AHRR: variants seen among roughly 807,000 people sequenced by gnomAD.
AHRR encodes aryl hydrocarbon receptor repressor, also known as ahR repressor.
In AHRR, 28 loss-of-function variants were observed where a neutral mutation model predicts 44.0. The observed-to-expected ratio is 0.64, with a 90% CI of 0.47 to 0.87. The LOEUF (loss-of-function observed/expected upper bound fraction) is 0.87. Ranked by LOEUF, AHRR falls within the 40% of genes least tolerant of loss-of-function variation. The pLI is 0.00. For synonymous variants in AHRR, 434 were observed against 407.0 expected, an observed-to-expected ratio of 1.07 and a Z score of -0.80; for missense variants, 990 against 953.9, an observed-to-expected ratio of 1.04 and a Z score of -0.50.
chr5:415,509 G>A (rs4956937), intron 5 of AHRR, among the ~76,000 whole-genome samples: 1 of 58,050 alleles, frequency 1.7e-5, no homozygotes, highest in Non-Finnish European at 4.8e-5. Context: ...CTCCCTGGTC[G>A]GGTGGGAGGC....
intron 1 of AHRR, among the ~76,000 whole-genome samples, chr5:323,793 G>A (rs1046368794): frequency 2.6e-5 from 4 of 152,122 alleles, no homozygotes; most frequent in Non-Finnish European, 5.9e-5. Flanking sequence ...ACACAGAAGC[G>A]GGAAAGCGCC....
chr5:374,109 C>T lies in AHRR; in HGVS notation c.245-2501C>T, dbSNP rs914564661. 3.9e-5 allele frequency among the ~76,000 whole-genome samples: 6 copies of T among 152,214 alleles called. 1 individual carries two copies. The highest frequency in any genetic ancestry group is 1.4e-4 in the African/African-American group (6 of 41,562). The stretch of plus-strand genomic sequence containing the variant: ...ACCCCTGCAATGGGGCTTGGCTGCA[C>T]CGGCCGCCTGGGTGGTCGGTCTGTG... On this transcript the variant is annotated intron_variant, in intron 3 of 10. Coordinates refer to ENST00000684583, the MANE Select transcript of AHRR (RefSeq NM_001377236.1).
At chr5:402,350 CGTTG>C (rs1735049535) in intron 4 of AHRR, among the ~76,000 whole-genome samples, 1 of 142,402 alleles carries the variant, frequency 7.0e-6, no homozygotes, top group African/African-American at 2.7e-5. Flanking sequence ...GGAAGGCAGT[CGTTG>C]ATGAGGGTGT....
At chr5:426,835 G>A (rs1256141862) in intron 7 of AHRR, among the ~76,000 whole-genome samples, 1 of 150,088 alleles carries the variant, frequency 6.7e-6, no homozygotes, top group Non-Finnish European at 1.5e-5. Context: ...ATGGATGGGT[G>A]GAAACATGGA....
intron 4 of AHRR, among the ~76,000 whole-genome samples, chr5:377,819 G>A (rs141579337): frequency 1.6e-4 from 24 of 152,336 alleles, no homozygotes; most frequent in African/African-American, 4.8e-4. Flanking sequence ...TCCCAGCAGC[G>A]TGGGATATTT....
rs1047279231 is a variant in AHRR, at chr5:326,028, C to T, written c.-11+4209C>T. ...GAACTCCTGACCTCAGGCGATTCCC[C>T]TGCCTCAGCCTCCCTAAGTGCTGGG... On this transcript the variant is annotated intron_variant, in intron 1 of 10. Transcript: ENST00000684583. This position sits in a 1 kb window ranked among gnomAD's most constrained non-coding sequence, Gnocchi z 4.1. Among the ~76,000 whole-genome samples the T allele has an allele frequency of 6.6e-6, 1 of 152,236 alleles. No homozygotes were observed. The highest frequency in any genetic ancestry group is 2.4e-5 in the African/African-American group (1 of 41,460).
intron 8 of AHRR, among the ~76,000 whole-genome samples, chr5:428,475 C>T (rs958321278): frequency 5.9e-5 from 9 of 152,198 alleles, no homozygotes; most frequent in Non-Finnish European, 1.2e-4. Context: ...TGGTCCTCGT[C>T]CCTGGCCAAC....
rs999105013 is a variant in AHRR at position 411,970 on chromosome 5, C to T, written c.352-1374C>T. Among the ~76,000 whole-genome samples the T allele has an allele frequency of 6.6e-6, 1 of 152,212 alleles. No individual in the cohort carries two copies. Among genetic ancestry groups the T allele is most frequent in the African/African-American group, 2.4e-5 (1 of 41,452 alleles). On this transcript the variant is annotated intron_variant, in intron 4 of 10. Coordinates refer to ENST00000684583, the MANE Select transcript of AHRR (RefSeq NM_001377236.1). The surrounding 1 kb of genome is among the most constrained non-coding windows in gnomAD (Gnocchi z 4.2). The stretch of plus-strand genomic sequence containing the variant: ...TGGCCATTGCTGCCATGGACAGATC[C>T]TGCGACTCAGAGGCCACCGTCTTTC...
intron 1 of AHRR, among the ~76,000 whole-genome samples, chr5:343,013 G>A (rs1048682358): frequency 2.0e-5 from 3 of 152,216 alleles, no homozygotes; most frequent in Non-Finnish European, 2.9e-5. Context: ...ATAGAAAAGA[G>A]GAAGCCTGTT....
At chr5:373,498 G>C (rs1290010353) in intron 3 of AHRR, among the ~76,000 whole-genome samples, 1 of 152,228 alleles carries the variant, frequency 6.6e-6, no homozygotes, top group Admixed American at 6.5e-5. Context: ...GGGCCACGGT[G>C]ATGGCCCACC....
chr5:373,689 A>AC (rs1743660502), intron 3 of AHRR, among the ~76,000 whole-genome samples: 1 of 140,808 alleles, frequency 7.1e-6, no homozygotes, highest in Non-Finnish European at 1.6e-5. Context: ...CTCAGGTGGG[A>AC]CCCCCAGGCT....
At chr5:353,932 C>T (rs1191484291) in intron 3 of AHRR, 21 bp downstream of exon 3, 1 of 1,599,868 alleles carries the variant, frequency 6.3e-7, no homozygotes, top group Admixed American at 1.7e-5. Flanking sequence ...CACCTGCTCC[C>T]ACCTGTTCAC....
At chr5:421,289 C>A in intron 5 of AHRR, 1 of 697,702 alleles carries the variant, frequency 1.4e-6, no homozygotes, top group Non-Finnish European at 2.6e-6. Flanking sequence ...ACGGGCGAGG[C>A]TGTTGCGCTG....
intron 2 of AHRR, among the ~76,000 whole-genome samples, chr5:345,511 G>T (rs1174136809): frequency 1.9e-5 from 2 of 106,894 alleles, no homozygotes; most frequent in East Asian, 2.9e-4. Context: ...GGGGGGAGGG[G>T]GTGTGTGTGT....
chr5:435,022 C>T lies in AHRR; in HGVS notation c.*188C>T. The T allele has an allele frequency of 2.6e-6, 2 of 766,628 alleles. No homozygotes were observed. Among genetic ancestry groups the T allele is most frequent in the Non-Finnish European group, 4.0e-6 (2 of 498,422 alleles). The allele number at this position is 766,628 out of a possible 1,614,324, so 47.5% of individuals were successfully genotyped here. Reference sequence around the variant, plus strand: ...GCCTATCCTGAATTTTGTAAAATATCCCAACAGTTCTTAAATGAAAACTGG... The same window carrying T: ...GCCTATCCTGAATTTTGTAAAATATTCCAACAGTTCTTAAATGAAAACTGG... On this transcript the variant is annotated 3_prime_UTR_variant, in exon 11 of 11. Transcript: ENST00000684583.
At chr5:331,548 A>T (rs1234986248) in intron 1 of AHRR, among the ~76,000 whole-genome samples, 1 of 152,102 alleles carries the variant, frequency 6.6e-6, no homozygotes, top group African/African-American at 2.4e-5. Flanking sequence ...TGAGGCACAT[A>T]ATTAGATTGT....
rs6555182 is a variant in AHRR at position 337,117 on chromosome 5, G to T, written c.-10-6776G>T. The stretch of plus-strand genomic sequence containing the variant: ...CCAAACATTTTATTATGGCACTTTT[G>T]AAATATTTTACAAAAATAGAGAAAA... On this transcript the variant is annotated intron_variant, in intron 1 of 10. Transcript: ENST00000684583. This position sits in a 1 kb window ranked among gnomAD's most constrained non-coding sequence, Gnocchi z 4.1. 6.6e-6 allele frequency among the ~76,000 whole-genome samples: 1 copy of T among 151,660 alleles called. No individual in the cohort carries two copies. Among genetic ancestry groups the T allele is most frequent in the Non-Finnish European group, 1.5e-5 (1 of 67,920 alleles).
At chr5:351,482 G>A (rs929220040) in intron 2 of AHRR, among the ~76,000 whole-genome samples, 2 of 152,222 alleles carry the variant, frequency 1.3e-5, no homozygotes, top group Admixed American at 6.5e-5. Flanking sequence ...ACACGAGGCT[G>A]TGAGAAAGAA....
At chr5:403,506 CAT>C (rs1735113114) in intron 4 of AHRR, among the ~76,000 whole-genome samples, 1 of 151,950 alleles carries the variant, frequency 6.6e-6, no homozygotes, top group Non-Finnish European at 1.5e-5. Flanking sequence ...TGTGGTGGCG[CAT>C]GCCTGTAATC....
Sources: allele counts gnomAD v4.1 joint callset (sites outside exome capture counted in the v4.1 genomes callset), GRCh38; gene constraint gnomAD v4.1.1; non-coding constraint Gnocchi (gnomAD v3.1); transcripts MANE v1.5; gene names NCBI Gene and HGNC (gene_info 2026-07-23, HGNC 2026-07-21).